Variants in ADAMTSL3 observed in about 807,000 individuals in gnomAD.
ADAMTSL3 encodes ADAMTS like 3.
ADAMTSL3 carries 128 observed loss-of-function variants against 201.7 expected under a neutral mutation model. That is an observed-to-expected ratio of 0.63 (90% CI 0.55 to 0.73). The LOEUF is 0.73. ADAMTSL3 is among the 30% of genes least tolerant of loss of function. The probability of loss-of-function intolerance (pLI) is 0.00; values close to 1 mark genes in which losing one functional copy is unlikely to be tolerated. For missense variants in ADAMTSL3, 1,990 were observed against 2,119.6 expected (o/e 0.94, Z 1.20); for synonymous variants, 738 against 748.4 (o/e 0.99, Z 0.23).
chr15:83,682,164 G>T (rs2061484563), intron 2 of ADAMTSL3, among the ~76,000 whole-genome samples: 1 of 152,112 alleles, frequency 6.6e-6, no homozygotes, highest in African/African-American at 2.4e-5. Context: ...TATGTAGCAG[G>T]CTTCTCTGTA....
chr15:83,763,129 A>AT lies in ADAMTSL3; in HGVS notation c.190-10392dup, dbSNP rs538044162. Among the ~76,000 whole-genome samples the AT allele has an allele frequency of 4.3e-3, 656 of 152,220 alleles. 2 individuals are homozygous for AT. The highest frequency in any genetic ancestry group is 0.015 in the African/African-American group (622 of 41,552). ...GTCTCGAACTCTTGAACCTCAAGTG[A>AT]TTCCCCCCACCTCAGCCCCCTGAAG... On this transcript the variant is annotated intron_variant, in intron 3 of 29. Coordinates refer to ENST00000286744, the MANE Select transcript of ADAMTSL3 (RefSeq NM_207517.3).
intron 5 of ADAMTSL3, among the ~76,000 whole-genome samples, chr15:83,810,496 T>C (rs1038309008): frequency 6.6e-6 from 1 of 152,238 alleles, no homozygotes; most frequent in Non-Finnish European, 1.5e-5. Flanking sequence ...CATATTACTA[T>C]AAATATAGTG....
intron 8 of ADAMTSL3, among the ~76,000 whole-genome samples, chr15:83,863,783 A>G (rs58738155): frequency 0.016 from 2,510 of 152,324 alleles, 78 homozygotes; most frequent in African/African-American, 0.056. Context: ...ACTGAAGGAA[A>G]TAGAAACACA....
At chr15:84,008,291 C>T (rs868849018) in intron 23 of ADAMTSL3, among the ~76,000 whole-genome samples, 8 of 152,224 alleles carry the variant, frequency 5.3e-5, no homozygotes, top group South Asian at 2.1e-4. Context: ...GACAGGGTTT[C>T]ACCATGTTGC....
At chr15:84,003,575 C>T (rs1015753146) in intron 23 of ADAMTSL3, among the ~76,000 whole-genome samples, 23 of 152,254 alleles carry the variant, frequency 1.5e-4, no homozygotes, top group African/African-American at 5.3e-4. Flanking sequence ...GTGGCTAGTC[C>T]GGAGTTTCCC....
chr15:83,919,910 G>T (rs1486201659), intron 16 of ADAMTSL3, among the ~76,000 whole-genome samples: 2 of 152,124 alleles, frequency 1.3e-5, no homozygotes, highest in African/African-American at 2.4e-5. Context: ...AGGTAGGTTT[G>T]TATGCTTATA....
intron 3 of ADAMTSL3, among the ~76,000 whole-genome samples, chr15:83,745,346 C>A (rs1211853247): frequency 6.6e-6 from 1 of 152,170 alleles, no homozygotes; most frequent in East Asian, 1.9e-4. Flanking sequence ...TAAAGGCTGT[C>A]ATGCTGACCC....
intron 4 of ADAMTSL3, among the ~76,000 whole-genome samples, chr15:83,801,651 A>AATAAATATATATATAT (rs2063518782): frequency 6.4e-5 from 2 of 31,286 alleles, no homozygotes; most frequent in African/African-American, 9.4e-5. Flanking sequence ...TATAAATATA[A>AATAAATATATATATAT]ATATATATAT....
At chr15:83,769,786 CTTT>C (rs763339984) in intron 3 of ADAMTSL3, among the ~76,000 whole-genome samples, 7 of 135,138 alleles carry the variant, frequency 5.2e-5, no homozygotes, top group Admixed American at 2.2e-4. Flanking sequence ...TTTAATTTTT[CTTT>C]TTTTTTTTTT....
At chr15:83,980,223 T>C (rs2067361651) in intron 20 of ADAMTSL3, among the ~76,000 whole-genome samples, 1 of 152,148 alleles carries the variant, frequency 6.6e-6, no homozygotes, top group Non-Finnish European at 1.5e-5. Flanking sequence ...TCTCACCTGC[T>C]CAGGCCACTC....
At chr15:83,866,802 T>C (rs956843202) in intron 8 of ADAMTSL3, among the ~76,000 whole-genome samples, 4 of 152,174 alleles carry the variant, frequency 2.6e-5, no homozygotes, top group African/African-American at 9.6e-5. Context: ...GAGGCAAAAA[T>C]TCATTTATGT....
intron 23 of ADAMTSL3, among the ~76,000 whole-genome samples, chr15:84,000,322 A>AT (rs1316449688): frequency 2.0e-5 from 3 of 152,122 alleles, no homozygotes; most frequent in Non-Finnish European, 2.9e-5. Flanking sequence ...TAAAATTGTC[A>AT]TTTTGAAATG....
chr15:83,918,490 T>A (rs1278280977), intron 16 of ADAMTSL3, among the ~76,000 whole-genome samples: 2 of 152,098 alleles, frequency 1.3e-5, no homozygotes, highest in Admixed American at 6.6e-5. Context: ...ATCTAAAAGG[T>A]GAGGCATTAG....
rs367824081 is a variant in ADAMTSL3, at chr15:83,875,768, C to T, written c.960+4809C>T. 1.6e-4 allele frequency among the ~76,000 whole-genome samples: 24 copies of T among 151,620 alleles called. No individual in the cohort carries two copies. The East Asian group carries it at 1.7e-3, about 11-fold the overall frequency. On this transcript the variant is annotated intron_variant, in intron 9 of 29. Coordinates refer to ENST00000286744, the MANE Select transcript of ADAMTSL3 (RefSeq NM_207517.3). ...GCCGCACTCTGGCCGGGTGACAGAG[C>T]GAGACTTCATCTCAAAAAATAAAAT...
At chr15:83,709,468 C>A (rs1253003117) in intron 3 of ADAMTSL3, among the ~76,000 whole-genome samples, 40 of 152,054 alleles carry the variant, frequency 2.6e-4, no homozygotes, top group Admixed American at 2.6e-3. Context: ...GAGTTTTGTC[C>A]CATAGAGGAC....
At chr15:83,675,655 T>C (rs571741650) in intron 2 of ADAMTSL3, among the ~76,000 whole-genome samples, 2 of 151,856 alleles carry the variant, frequency 1.3e-5, no homozygotes, top group East Asian at 3.9e-4. Context: ...TTGGAGAGTG[T>C]TCTCTCTTCT....
At chr15:83,724,202 G>A (rs2062140063) in intron 3 of ADAMTSL3, among the ~76,000 whole-genome samples, 1 of 151,922 alleles carries the variant, frequency 6.6e-6, no homozygotes, top group Non-Finnish European at 1.5e-5. Flanking sequence ...GGGTTCAAGT[G>A]ATTCTCCCGT....
chr15:83,879,997 A>G (rs1421003705), intron 9 of ADAMTSL3, among the ~76,000 whole-genome samples: 1 of 152,146 alleles, frequency 6.6e-6, no homozygotes, highest in Non-Finnish European at 1.5e-5. Context: ...TTCTGTGAAG[A>G]AGTCAGCTAT....
At chr15:83,657,219 A>G (rs113434835) in intron 2 of ADAMTSL3, among the ~76,000 whole-genome samples, 1 of 39,988 alleles carries the variant, frequency 2.5e-5, no homozygotes. Flanking sequence ...TTCAAGGCAC[A>G]GTGTTCATTT....
Sources: gnomAD v4.1 joint callset for allele counts (sites outside exome capture counted in the v4.1 genomes callset) on GRCh38, gnomAD v4.1.1 for gene constraint, MANE v1.5 for transcripts, NCBI Gene and HGNC (gene_info 2026-07-23, HGNC 2026-07-21) for gene names.